Variants in POM121 observed in about 807,000 individuals in gnomAD.
POM121 encodes POM121 transmembrane nucleoporin.
A neutral mutation model predicts 81.3 loss-of-function variants in POM121; 32 were observed. The observed-to-expected ratio is 0.39, with a 90% CI of 0.30 to 0.53. The LOEUF (loss-of-function observed/expected upper bound fraction) is 0.53, where lower values mean the gene tolerates loss of function less well. Ranked by LOEUF, POM121 falls within the 20% of genes least tolerant of loss-of-function variation. The pLI is 0.66. For synonymous variants in POM121, 514 were observed against 694.2 expected, an observed-to-expected ratio of 0.74 and a Z score of 4.08; for missense variants, 1,138 against 1,614.6, an observed-to-expected ratio of 0.70 and a Z score of 5.06.
At chr7:72,897,716 G>A (rs1453322674) in intron 3 of POM121, among the ~76,000 whole-genome samples, 6 of 152,148 alleles carry the variant, frequency 3.9e-5, no homozygotes, top group African/African-American at 1.4e-4. Flanking sequence ...GTCACATGCA[G>A]GATGTATTTT....
upstream of POM121, among the ~76,000 whole-genome samples, chr7:72,923,040 G>C (rs559181530): frequency 0.019 from 2,756 of 148,034 alleles, 71 homozygotes; most frequent in African/African-American, 0.061. Flanking sequence ...GTTCAACCCA[G>C]GGCAGCCTGG....
At position 72,946,534 on chromosome 7, in the gene POM121, C is replaced by G; in HGVS notation, c.*300C>G. 2.6e-6 allele frequency: 3 copies of G among 1,142,296 alleles called. No individual in the cohort carries two copies. The highest frequency in any genetic ancestry group is 3.2e-6 in the Non-Finnish European group (3 of 928,330). 70.8% of individuals were successfully genotyped at this position (1,142,296 alleles called of 1,614,324 possible). ...TACATAGTGTCCGCTGCCCTGACTC[C>G]CGCTTAGCACACCCTTAGGCAGGCG... On this transcript the variant is annotated 3_prime_UTR_variant, in exon 13 of 13. Coordinates refer to ENST00000434423, the MANE Select transcript of POM121 (RefSeq NM_001387691.1).
upstream of POM121, chr7:72,925,059 G>T: frequency 7.4e-7 from 1 of 1,355,634 alleles, no homozygotes; most frequent in Non-Finnish European, 9.4e-7. Flanking sequence ...GGCGCGCGAT[G>T]ACGCGACGCG....
At position 72,898,043 on chromosome 7, in the gene POM121, C is replaced by CA. The variant is rs1586086433; in HGVS notation, c.-216+6937dup. ...AGGAAAAAAAGAAAGAAAGTAGACCCAAAAGATTTGCAGATGCTTTGCATG... is the reference window on the plus strand; with the variant it reads ...AGGAAAAAAAGAAAGAAAGTAGACCCAAAAAGATTTGCAGATGCTTTGCATG... On this transcript the variant is annotated intron_variant, in intron 3 of 15. Transcript: ENST00000395270. Among the ~76,000 whole-genome samples the CA allele has an allele frequency of 5.9e-5, 9 of 152,080 alleles. No homozygotes were observed. In the East Asian group the frequency reaches 1.7e-3, roughly 29 times the overall value.
At chr7:72,900,317 A>G (rs2129575518) in intron 3 of POM121, among the ~76,000 whole-genome samples, 1 of 149,622 alleles carries the variant, frequency 6.7e-6, no homozygotes, top group East Asian at 1.9e-4. Flanking sequence ...GTCTGTGCTA[A>G]TAGCCTCCCT....
Position 72,925,734 on chromosome 7 carries a change from C to T in POM121, c.613C>T (p.Leu205Phe). ...HHVYPSLPTP[L>F]LRPSRRPSPR... ...CGTTTACCCCTCTCTGCCCACTCCT[C>T]TTCTCCGACCCTCCAGGAGGCCTTC... Residue 205 changes from leucine to phenylalanine, a missense_variant, in exon 1 of 13, where the codon CTT becomes TTT. Coordinates refer to ENST00000434423, the MANE Select transcript of POM121 (RefSeq NM_001387691.1). 5.4e-6 allele frequency: 7 copies of T among 1,301,306 alleles called. No homozygotes were observed. The highest frequency in any genetic ancestry group is 6.8e-6 in the Non-Finnish European group (7 of 1,021,948). The allele number at this position is 1,301,306 out of a possible 1,614,324, so 80.6% of individuals were successfully genotyped here. A position where few individuals can be genotyped will look rare whatever the true frequency, so the allele number is the denominator to read the frequency against.
At chr7:72,901,878 C>T (rs1294790292) in intron 3 of POM121, among the ~76,000 whole-genome samples, 1 of 151,728 alleles carries the variant, frequency 6.6e-6, no homozygotes, top group African/African-American at 2.4e-5. Flanking sequence ...TTTGGGAGGC[C>T]GAGGCGAGCA....
intron 1 of POM121, among the ~76,000 whole-genome samples, chr7:72,882,757 G>A (rs1344825257): frequency 1.3e-5 from 2 of 152,190 alleles, no homozygotes; most frequent in Non-Finnish European, 2.9e-5. Context: ...TTACTCTCTT[G>A]TGAAGATTTC....
At chr7:72,895,537 C>A (rs1554491601) in intron 3 of POM121, among the ~76,000 whole-genome samples, 2 of 152,164 alleles carry the variant, frequency 1.3e-5, no homozygotes, top group African/African-American at 4.8e-5. Flanking sequence ...CAGCAGTCTT[C>A]TCTTTGATAT....
intron 3 of POM121, among the ~76,000 whole-genome samples, chr7:72,898,232 AT>A (rs1455753898): frequency 6.6e-6 from 1 of 152,014 alleles, no homozygotes; most frequent in Non-Finnish European, 1.5e-5. Context: ...TGTCAGGTTT[AT>A]TTTTTTCTTT....
chr7:72,889,605 C>G (rs1182702850), intron 1 of POM121, among the ~76,000 whole-genome samples: 7 of 152,132 alleles, frequency 4.6e-5, no homozygotes, highest in Non-Finnish European at 8.8e-5. Context: ...CTCCCAGGCT[C>G]AAGCCATCCT....
At position 72,946,652 on chromosome 7, in the gene POM121, A is replaced by G; in HGVS notation, c.*418A>G. On this transcript the variant is annotated 3_prime_UTR_variant, in exon 13 of 13. Transcript: ENST00000434423. ...GTGTGCACCTGATGGGATTTGGGAAATGGGCTATCCGTAAAGCTTTATCTT... is the reference window on the plus strand; with the variant it reads ...GTGTGCACCTGATGGGATTTGGGAAGTGGGCTATCCGTAAAGCTTTATCTT... The G allele has an allele frequency of 1.0e-6, 1 of 993,770 alleles. No individual in the cohort carries two copies. The highest frequency in any genetic ancestry group is 4.5e-5 in the South Asian group (1 of 22,020). The allele number at this position is 993,770 out of a possible 1,614,324, so 61.6% of individuals were successfully genotyped here.
At chr7:72,911,340 T>C (rs1330708633) in intron 3 of POM121, among the ~76,000 whole-genome samples, 2 of 152,224 alleles carry the variant, frequency 1.3e-5, no homozygotes, top group Non-Finnish European at 2.9e-5. Flanking sequence ...ATGTAATGGG[T>C]GTGCTTATTC....
In POM121 at chr7:72,890,931, A is replaced by C; in HGVS notation, c.-393-2A>C. 4 of 1,187,498 alleles carry C rather than the reference A, an allele frequency of 3.4e-6. No individual in the cohort carries two copies. In the South Asian group the frequency reaches 4.0e-5, roughly 12 times the overall value. 73.6% of individuals were successfully genotyped at this position (1,187,498 alleles called of 1,614,324 possible). ...AAAAAATGGAGCATTTCTGTTATGC[A>C]GCTTATGAGGTGGCAACATCTTGTA... On this transcript the variant is annotated splice_acceptor_variant, in intron 2 of 15. Coordinates refer to the POM121 transcript ENST00000395270. LOFTEE classifies it low-confidence loss of function (5UTR_SPLICE).
intron 1 of POM121, chr7:72,879,990 C>T (rs1473772693): frequency 7.8e-6 from 3 of 384,826 alleles, no homozygotes; most frequent in East Asian, 8.1e-5. Flanking sequence ...GATTGCTTGC[C>T]GGAGAGACAT....
Position 72,945,739 on chromosome 7 carries a change from C to T in POM121, c.3652+31C>T, listed in dbSNP as rs782698195. On this transcript the variant is annotated intron_variant, in intron 12 of 12. Transcript: ENST00000434423. ...CAGCAAGCCACCCTGTGGCCCTGCT[C>T]ATCTGTCTGAGGAGGGGTTGGGCGG... The T allele has an allele frequency of 2.5e-6, 4 of 1,603,522 alleles. No homozygotes were observed. The East Asian group carries it at 6.7e-5, about 27-fold the overall frequency.
chr7:72,890,787 T>A, intron 2 of POM121: 1 of 1,590,982 alleles, frequency 6.3e-7, no homozygotes, highest in Non-Finnish European at 8.6e-7. Context: ...TGCTCTCAGT[T>A]GAATGGGGTT....
upstream of POM121, chr7:72,924,517 T>C (rs1197295756): frequency 6.6e-6 from 1 of 152,236 alleles, no homozygotes; most frequent in Non-Finnish European, 1.5e-5. Flanking sequence ...ATCTTTATGG[T>C]GCTACAAAAA....
At chr7:72,916,506 T>A (rs1445472541) in intron 4 of POM121, among the ~76,000 whole-genome samples, 1 of 152,210 alleles carries the variant, frequency 6.6e-6, no homozygotes, top group Non-Finnish European at 1.5e-5. Flanking sequence ...GAGGTCTCTA[T>A]TCTGTTCCAT....
Sources: allele counts gnomAD v4.1 joint callset (sites outside exome capture counted in the v4.1 genomes callset), GRCh38; gene constraint gnomAD v4.1.1; transcripts MANE v1.5; gene names NCBI Gene and HGNC (gene_info 2026-07-23, HGNC 2026-07-21).